Variants in AFG2A observed in about 807,000 individuals in gnomAD.
AFG2A encodes the protein ATPase family gene 2 protein homolog A.
At chr4:123,259,474 T>C in the AFG2A span, among the ~76,000 whole-genome samples, 3 of 152,188 alleles carry the variant, frequency 2.0e-5, no homozygotes, top group African/African-American at 7.2e-5. Flanking sequence ...CTTTTAGCCA[T>C]CTCTGCCACC....
At chr4:123,149,057 C>T in the AFG2A span, among the ~76,000 whole-genome samples, 2 of 152,188 alleles carry the variant, frequency 1.3e-5, no homozygotes, top group African/African-American at 2.4e-5. Flanking sequence ...GCGTGAGCCA[C>T]GGCGCCTGGC....
At chr4:123,154,373 T>G in the AFG2A span, among the ~76,000 whole-genome samples, 27 of 152,264 alleles carry the variant, frequency 1.8e-4, no homozygotes, top group African/African-American at 6.5e-4. Context: ...AAACATATCC[T>G]TATAAGCTCT....
At chr4:123,021,171 A>G in the AFG2A span, among the ~76,000 whole-genome samples, 261 of 151,426 alleles carry the variant, frequency 1.7e-3, 1 homozygote, top group South Asian at 4.0e-3. Context: ...CTTATATTCC[A>G]TACTTGTAAC....
the AFG2A span, chr4:123,314,192 G>C: frequency 1.5e-6 from 1 of 682,322 alleles, no homozygotes; most frequent in African/African-American, 1.9e-5. Flanking sequence ...GTAGAATTTA[G>C]GGGCTTTGGT....
the AFG2A span, among the ~76,000 whole-genome samples, chr4:122,949,460 T>C: frequency 1.3e-5 from 2 of 152,288 alleles, no homozygotes; most frequent in East Asian, 3.9e-4. Context: ...ACTGCCTTGG[T>C]GTGGCATGGC....
At chr4:122,985,125 CTTT>C in the AFG2A span, among the ~76,000 whole-genome samples, 3 of 138,672 alleles carry the variant, frequency 2.2e-5, no homozygotes, top group Non-Finnish European at 1.6e-5. Flanking sequence ...TTTTTTTTTT[CTTT>C]TTTTTTTTTT....
the AFG2A span, among the ~76,000 whole-genome samples, chr4:122,977,579 C>T: frequency 1.3e-5 from 2 of 152,268 alleles, no homozygotes; most frequent in Non-Finnish European, 2.9e-5. Context: ...GCCCTTGCAT[C>T]TGGGCTCCCC....
At chr4:122,999,268 C>G in the AFG2A span, among the ~76,000 whole-genome samples, 1 of 152,024 alleles carries the variant, frequency 6.6e-6, no homozygotes, top group Non-Finnish European at 1.5e-5. Context: ...TGCCTGCTCA[C>G]TCTGCTGGTA....
the AFG2A span, among the ~76,000 whole-genome samples, chr4:122,954,573 C>T: frequency 4.6e-5 from 7 of 152,320 alleles, no homozygotes; most frequent in South Asian, 4.1e-4. Flanking sequence ...TGGGAGCTGG[C>T]GACCCTTCAA....
chr4:123,100,984 A>C, the AFG2A span, among the ~76,000 whole-genome samples: 2 of 151,972 alleles, frequency 1.3e-5, no homozygotes, highest in Non-Finnish European at 2.9e-5. Flanking sequence ...AGAGGAATTT[A>C]TTCTTACTAA....
At chr4:123,263,716 G>T in the AFG2A span, among the ~76,000 whole-genome samples, 1 of 152,234 alleles carries the variant, frequency 6.6e-6, no homozygotes, top group African/African-American at 2.4e-5. Flanking sequence ...AATAATAGAT[G>T]TTGGCGTGGA....
chr4:123,084,616 A>G, the AFG2A span, among the ~76,000 whole-genome samples: 2,406 of 87,070 alleles, frequency 0.028, 41 homozygotes, highest in South Asian at 0.16. Flanking sequence ...GTGTGTGTGT[A>G]TATATATATA....
At chr4:123,202,800 C>T in the AFG2A span, among the ~76,000 whole-genome samples, 1 of 152,126 alleles carries the variant, frequency 6.6e-6, no homozygotes, top group Non-Finnish European at 1.5e-5. Context: ...TGGATTCTCC[C>T]ATCTTCTTTT....
At chr4:123,266,195 A>G in the AFG2A span, among the ~76,000 whole-genome samples, 1 of 152,170 alleles carries the variant, frequency 6.6e-6, no homozygotes, top group East Asian at 1.9e-4. Flanking sequence ...TCTTTTTACT[A>G]TATGAAATTG....
At chr4:123,244,365 TG>T in the AFG2A span, among the ~76,000 whole-genome samples, 1 of 152,198 alleles carries the variant, frequency 6.6e-6, no homozygotes, top group African/African-American at 2.4e-5. Context: ...AATGTCTCTT[TG>T]GGGTGAGAGA....
chr4:123,156,273 G>C, the AFG2A span, among the ~76,000 whole-genome samples: 1 of 152,100 alleles, frequency 6.6e-6, no homozygotes, highest in Non-Finnish European at 1.5e-5. Context: ...AAATCTTGAA[G>C]TTGTAATATA....
the AFG2A span, among the ~76,000 whole-genome samples, chr4:123,143,834 T>C: frequency 8.1e-5 from 12 of 147,344 alleles, no homozygotes; most frequent in East Asian, 5.9e-4. Flanking sequence ...TCTCTCTCTT[T>C]TTTTTTTTTT....
chr4:123,242,070 G>A, the AFG2A span, among the ~76,000 whole-genome samples: 1 of 152,096 alleles, frequency 6.6e-6, no homozygotes, highest in South Asian at 2.1e-4. Context: ...CAACTTACAA[G>A]GGATGGGAAG....
At chr4:123,084,201 C>T in the AFG2A span, among the ~76,000 whole-genome samples, 5 of 151,616 alleles carry the variant, frequency 3.3e-5, no homozygotes, top group Admixed American at 6.6e-5. Flanking sequence ...CTCTTTTTTT[C>T]GTAGATAGCC....
Sources: gnomAD v4.1 joint callset for allele counts (sites outside exome capture counted in the v4.1 genomes callset) on GRCh38, gnomAD v4.1.1 for gene constraint, MANE v1.5 for transcripts, NCBI Gene and HGNC (gene_info 2026-07-23, HGNC 2026-07-21) for gene names.